Variants in QTMAN observed in about 807,000 individuals in gnomAD.
The protein encoded by QTMAN is queuosine-tRNA mannosyltransferase, also known as tRNA-queuosine alpha-mannosyltransferase.
At chr2:144,069,526 C>A in the QTMAN span, among the ~76,000 whole-genome samples, 1 of 151,864 alleles carries the variant, frequency 6.6e-6, no homozygotes, top group Admixed American at 6.6e-5. Flanking sequence ...GATGAAATAT[C>A]CATGAGTGAT....
At chr2:144,208,876 C>G in the QTMAN span, 2 of 790,260 alleles carry the variant, frequency 2.5e-6, no homozygotes, top group Non-Finnish European at 3.8e-6. Context: ...AAAATAAGTT[C>G]AAATTTCATA....
chr2:144,218,114 T>A, the QTMAN span, among the ~76,000 whole-genome samples: 1 of 152,214 alleles, frequency 6.6e-6, no homozygotes, highest in Non-Finnish European at 1.5e-5. Context: ...CGTGACGATT[T>A]CTTCCTAATT....
the QTMAN span, among the ~76,000 whole-genome samples, chr2:144,132,439 A>T: frequency 1.6e-4 from 25 of 152,210 alleles, no homozygotes; most frequent in Non-Finnish European, 2.8e-4. Flanking sequence ...CAGCATTCTA[A>T]AATAGAATAC....
chr2:144,020,729 A>G, the QTMAN span, among the ~76,000 whole-genome samples: 4 of 152,196 alleles, frequency 2.6e-5, no homozygotes, highest in Non-Finnish European at 4.4e-5. Context: ...GGAACAAGGG[A>G]ACTTTTCCTG....
At chr2:144,301,285 T>C in the QTMAN span, among the ~76,000 whole-genome samples, 1 of 152,194 alleles carries the variant, frequency 6.6e-6, no homozygotes. Context: ...TGCAGTAGCA[T>C]GATCTCAGCT....
chr2:144,319,296 C>T, the QTMAN span, among the ~76,000 whole-genome samples: 14 of 152,090 alleles, frequency 9.2e-5, no homozygotes, highest in African/African-American at 3.4e-4. Context: ...AAGAATCCTC[C>T]AGGCAAACAC....
At chr2:144,299,416 C>G in the QTMAN span, among the ~76,000 whole-genome samples, 1 of 152,154 alleles carries the variant, frequency 6.6e-6, no homozygotes, top group Non-Finnish European at 1.5e-5. Context: ...ACTGGTGCCT[C>G]AATTCAAAGT....
the QTMAN span, among the ~76,000 whole-genome samples, chr2:144,140,994 A>G: frequency 2.6e-5 from 4 of 152,012 alleles, no homozygotes; most frequent in African/African-American, 9.7e-5. Flanking sequence ...ATATGGGTGA[A>G]CTCAGTAAGT....
chr2:143,980,712 C>G, the QTMAN span, among the ~76,000 whole-genome samples: 1 of 152,172 alleles, frequency 6.6e-6, no homozygotes, highest in Non-Finnish European at 1.5e-5. Flanking sequence ...GATTTGTTTG[C>G]TCAACTCCAT....
chr2:144,035,378 G>A, the QTMAN span, among the ~76,000 whole-genome samples: 3 of 152,096 alleles, frequency 2.0e-5, no homozygotes, highest in Non-Finnish European at 4.4e-5. Flanking sequence ...AACTAATAGA[G>A]CAACCTTCAA....
At chr2:144,204,548 C>T in the QTMAN span, among the ~76,000 whole-genome samples, 3 of 152,306 alleles carry the variant, frequency 2.0e-5, no homozygotes, top group South Asian at 6.2e-4. Context: ...GTTGTTGGGA[C>T]TGTAAGCTAG....
At chr2:143,969,794 A>G in the QTMAN span, among the ~76,000 whole-genome samples, 2 of 152,190 alleles carry the variant, frequency 1.3e-5, no homozygotes, top group South Asian at 4.1e-4. Context: ...GCAGCGGGCA[A>G]AAGATGAGCC....
chr2:144,201,827 A>C, the QTMAN span, among the ~76,000 whole-genome samples: 1 of 152,232 alleles, frequency 6.6e-6, no homozygotes, highest in Admixed American at 6.5e-5. Context: ...ATATTCAACC[A>C]GGAATTTCTC....
At chr2:144,044,573 C>A in the QTMAN span, among the ~76,000 whole-genome samples, 1 of 152,140 alleles carries the variant, frequency 6.6e-6, no homozygotes, top group East Asian at 1.9e-4. Flanking sequence ...CATCAAAAAT[C>A]ATGTATTTTT....
the QTMAN span, among the ~76,000 whole-genome samples, chr2:144,271,885 AAAGAG>A: frequency 3.3e-5 from 5 of 152,210 alleles, no homozygotes; most frequent in African/African-American, 1.2e-4. Context: ...ATCTTAGTTG[AAAGAG>A]AAGTCTAAAA....
At chr2:144,010,171 C>T in the QTMAN span, among the ~76,000 whole-genome samples, 82 of 151,792 alleles carry the variant, frequency 5.4e-4, no homozygotes, top group Non-Finnish European at 1.0e-3. Context: ...TTTATATTGG[C>T]CAGCATGTGA....
At chr2:143,939,960 T>C in the QTMAN span, 2 of 152,198 alleles carry the variant, frequency 1.3e-5, no homozygotes, top group African/African-American at 4.8e-5. Context: ...GCTGTGTGGA[T>C]TGAGGGCAAC....
the QTMAN span, among the ~76,000 whole-genome samples, chr2:144,292,104 C>T: frequency 1.3e-5 from 2 of 152,148 alleles, no homozygotes; most frequent in East Asian, 3.9e-4. Context: ...CTACAAACAA[C>T]AAGAGTAGTT....
At chr2:144,239,997 G>A in the QTMAN span, among the ~76,000 whole-genome samples, 2 of 152,134 alleles carry the variant, frequency 1.3e-5, no homozygotes, top group South Asian at 2.1e-4. Context: ...GTTGCTCACC[G>A]CTAAGCAGAG....
Sources: allele counts gnomAD v4.1 joint callset (sites outside exome capture counted in the v4.1 genomes callset), GRCh38; gene constraint gnomAD v4.1.1; transcripts MANE v1.5; gene names NCBI Gene and HGNC (gene_info 2026-07-23, HGNC 2026-07-21).